The following PAQR5 variants were observed in gnomAD, a reference collection of about 807,000 sequenced individuals.
PAQR5 encodes the protein membrane progestin receptor gamma.
Under a neutral mutation model 34.5 loss-of-function variants are expected in PAQR5, and 20 were observed. The observed-to-expected ratio is 0.58, with a 90% CI of 0.41 to 0.84. PAQR5 has a LOEUF of 0.84. Among genes scored for constraint, PAQR5 ranks in the 40% least tolerant of loss-of-function variants. PAQR5 has a pLI of 0.00. For synonymous variants in PAQR5, 131 were observed against 155.6 expected, an observed-to-expected ratio of 0.84 and a Z score of 1.18; for missense variants, 378 against 412.7, an observed-to-expected ratio of 0.92 and a Z score of 0.73.
At chr15:69,303,558 A>T (rs1422107665) in intron 1 of PAQR5, among the ~76,000 whole-genome samples, 2 of 144,692 alleles carry the variant, frequency 1.4e-5, no homozygotes, top group African/African-American at 5.4e-5. Flanking sequence ...CCCCAGTGCA[A>T]TTAAAAAAAA....
intron 2 of PAQR5, among the ~76,000 whole-genome samples, chr15:69,352,561 A>ACAG (rs1567015425): frequency 6.6e-6 from 1 of 152,242 alleles, no homozygotes; most frequent in Non-Finnish European, 1.5e-5. Context: ...TCAGTTGACA[A>ACAG]AGGAAGAGAA....
chr15:69,397,821 A>G, intron 7 of PAQR5: 1 of 545,334 alleles, frequency 1.8e-6, no homozygotes, highest in Non-Finnish European at 3.3e-6. Context: ...CTTTTTCTAC[A>G]TAGACACAGT....
At chr15:69,330,399 G>T (rs779910408) in intron 1 of PAQR5, among the ~76,000 whole-genome samples, 2 of 152,196 alleles carry the variant, frequency 1.3e-5, no homozygotes, top group African/African-American at 2.4e-5. Flanking sequence ...CTTGCCTGGG[G>T]ACTAGATTAA....
At position 69,350,458 on chromosome 15, in the gene PAQR5, C is replaced by T. The variant is rs1049390520; in HGVS notation, c.-115-9508C>T. On this transcript the variant is annotated intron_variant, in intron 2 of 8. Transcript: ENST00000395407. ...AGGAGTTTGAGATCAGCCTGGCCAA[C>T]ATGGTGAAACGCTGTCTCTGCTAAA... Among the ~76,000 whole-genome samples the T allele has an allele frequency of 1.3e-5, 2 of 152,044 alleles. 1 individual carries two copies. The highest frequency in any genetic ancestry group is 4.8e-5 in the African/African-American group (2 of 41,384).
In PAQR5 at chr15:69,385,713, C is replaced by T. The variant is rs2056086337; in HGVS notation, c.385+831C>T. Among the ~76,000 whole-genome samples, 1 of 151,964 alleles carries T rather than the reference C, an allele frequency of 6.6e-6. No individual in the cohort carries two copies. Among genetic ancestry groups the T allele is most frequent in the Non-Finnish European group, 1.5e-5 (1 of 67,986 alleles). Reference sequence around the variant, plus strand: ...AAGAGGTTGTCCATGAGGAGCCTACCTCCATCCTCTTTCTTCATATACACA... The same window carrying T: ...AAGAGGTTGTCCATGAGGAGCCTACTTCCATCCTCTTTCTTCATATACACA... On this transcript the variant is annotated intron_variant, in intron 5 of 8. Coordinates refer to ENST00000395407, the MANE Select transcript of PAQR5 (RefSeq NM_017705.4). This position sits in a 1 kb window ranked among gnomAD's most constrained non-coding sequence, Gnocchi z 4.7.
intron 1 of PAQR5, among the ~76,000 whole-genome samples, chr15:69,319,394 T>C (rs530425935): frequency 6.6e-6 from 1 of 151,218 alleles, no homozygotes; most frequent in African/African-American, 2.4e-5. Context: ...GTGAGTGTCT[T>C]GTCTCCCAAA....
intron 1 of PAQR5, among the ~76,000 whole-genome samples, chr15:69,309,391 G>A (rs1328013055): frequency 1.3e-5 from 2 of 152,184 alleles, no homozygotes; most frequent in Non-Finnish European, 2.9e-5. Flanking sequence ...AGTGCCTGGG[G>A]ATTTTGAAGT....
Position 69,397,742 on chromosome 15 carries a change from CGA to C in PAQR5, c.609+183_609+184del, listed in dbSNP as rs1486358411. 21 of 615,488 alleles carry C rather than the reference CGA, an allele frequency of 3.4e-5. No individual in the cohort carries two copies. In the East Asian group the frequency reaches 4.6e-4, roughly 14 times the overall value. 38.1% of individuals were successfully genotyped at this position (615,488 alleles called of 1,614,324 possible). A position where few individuals can be genotyped will look rare whatever the true frequency, so the allele number is the denominator to read the frequency against. ...TGTGGGTATTTCTCGTCAGGTGGGA[CGA>C]GAGACTGAGAAAATAAATAAGAAGA... is the stretch of plus-strand genomic sequence containing the variant. On this transcript the variant is annotated intron_variant, in intron 7 of 8. Coordinates refer to ENST00000395407, the MANE Select transcript of PAQR5 (RefSeq NM_017705.4).
At chr15:69,370,583 G>C (rs1397630313) in intron 3 of PAQR5, among the ~76,000 whole-genome samples, 2 of 152,080 alleles carry the variant, frequency 1.3e-5, no homozygotes, top group Non-Finnish European at 2.9e-5. Context: ...GGAATGGCGC[G>C]ATCTTGGCTC....
At chr15:69,392,707 A>G (rs1451996244) in intron 6 of PAQR5, among the ~76,000 whole-genome samples, 1 of 152,192 alleles carries the variant, frequency 6.6e-6, no homozygotes, top group Non-Finnish European at 1.5e-5. Context: ...TAAACAAATA[A>G]TGATAAGGCA....
At chr15:69,338,105 AAAC>A (rs956104729) in intron 2 of PAQR5, among the ~76,000 whole-genome samples, 13 of 152,074 alleles carry the variant, frequency 8.5e-5, no homozygotes, top group African/African-American at 2.4e-4. Context: ...AAAAAACCAG[AAAC>A]AACAACAACA....
At chr15:69,305,863 G>A (rs1482985165) in intron 1 of PAQR5, among the ~76,000 whole-genome samples, 2 of 152,182 alleles carry the variant, frequency 1.3e-5, no homozygotes. Context: ...CTTAATGGAA[G>A]GGCAGACGAT....
In PAQR5 at chr15:69,323,997, C is replaced by T. The variant is rs74559058; in HGVS notation, c.-276-13344C>T. Among the ~76,000 whole-genome samples, 973 of 152,252 alleles carry T rather than the reference C, an allele frequency of 6.4e-3. 12 individuals are homozygous for T. Among genetic ancestry groups the T allele is most frequent in the African/African-American group, 0.021 (865 of 41,530 alleles). The stretch of plus-strand genomic sequence containing the variant: ...CATGGATGTGGCCGTAAGTTACCCA[C>T]CAGTTCTGTTGCCAGAAATGTGGAT... On this transcript the variant is annotated intron_variant, in intron 1 of 8. Transcript: ENST00000395407.
At chr15:69,394,876 T>G (rs2056371949) in intron 6 of PAQR5, among the ~76,000 whole-genome samples, 2 of 152,248 alleles carry the variant, frequency 1.3e-5, no homozygotes, top group Admixed American at 6.5e-5. Context: ...TCTGTTGCTG[T>G]CTCTCTTCTC....
At chr15:69,375,314 C>T (rs1301372734) in intron 3 of PAQR5, among the ~76,000 whole-genome samples, 1 of 152,040 alleles carries the variant, frequency 6.6e-6, no homozygotes, top group Non-Finnish European at 1.5e-5. Flanking sequence ...CAAATTTCCC[C>T]TTCTTGTGAG....
chr15:69,378,173 G>A (rs2055762174), intron 3 of PAQR5, among the ~76,000 whole-genome samples: 1 of 148,540 alleles, frequency 6.7e-6, no homozygotes, highest in Non-Finnish European at 1.5e-5. Context: ...GCTGAGGCAG[G>A]AGAATCGCTT....
In PAQR5 at chr15:69,300,869, C is replaced by CGT. The variant is rs1566986280; in HGVS notation, c.-277+1813_-277+1814insGT. ...TCTTTCTTTCTTTCTTTCTTTCTTT[C>CGT]TTTCTTTCTTTCTTTCTTTCTTTCT... On this transcript the variant is annotated intron_variant, in intron 1 of 8. Transcript: ENST00000395407. Among the ~76,000 whole-genome samples the CGT allele has an allele frequency of 1.8e-3, 38 of 21,568 alleles. 1 individual carries two copies. Among genetic ancestry groups the CGT allele is most frequent in the African/African-American group, 4.4e-3 (33 of 7,430 alleles). 14.1% of individuals were successfully genotyped at this position (21,568 alleles called of 152,430 possible).
At chr15:69,379,334 C>A in intron 3 of PAQR5, 2 of 738,848 alleles carry the variant, frequency 2.7e-6, no homozygotes, top group Non-Finnish European at 3.3e-6. Flanking sequence ...CTTGAGCAGC[C>A]GTGCTGTGGG....
intron 4 of PAQR5, among the ~76,000 whole-genome samples, chr15:69,383,993 G>A (rs1247390333): frequency 4.0e-5 from 4 of 98,778 alleles, no homozygotes; most frequent in African/African-American, 1.2e-4. Flanking sequence ...GAGGGTGAGC[G>A]GGCCCTCTGT....
Sources: gnomAD v4.1 joint callset for allele counts (sites outside exome capture counted in the v4.1 genomes callset) on GRCh38, gnomAD v4.1.1 for gene constraint, Gnocchi (gnomAD v3.1) non-coding constraint, MANE v1.5 for transcripts, NCBI Gene and HGNC (gene_info 2026-07-23, HGNC 2026-07-21) for gene names.